The following MAP4K4 variants were observed in gnomAD, a reference collection of about 807,000 sequenced individuals.
The protein encoded by MAP4K4 is mitogen-activated protein kinase kinase kinase kinase 4, also known as HPK/GCK-like kinase HGK.
In MAP4K4, 38 loss-of-function variants were observed where a neutral mutation model predicts 189.6. The ratio of observed to expected loss-of-function variants is 0.20; its 90% CI spans 0.15 to 0.26. MAP4K4 has a LOEUF of 0.26. Among genes scored for constraint, MAP4K4 ranks in the 10% least tolerant of loss-of-function variants. The probability of loss-of-function intolerance (pLI) is 1.00; values close to 1 mark genes in which losing one functional copy is unlikely to be tolerated. For missense variants in MAP4K4, 1,054 were observed against 1,726.9 expected (o/e 0.61, Z 6.91); for synonymous variants, 610 against 624.3 (o/e 0.98, Z 0.34).
chr2:101,768,478 T>C (rs934368985), intron 2 of MAP4K4, among the ~76,000 whole-genome samples: 1 of 152,258 alleles, frequency 6.6e-6, no homozygotes, highest in Admixed American at 6.5e-5. Flanking sequence ...TTAGGTATTG[T>C]ATGCTTTTGA....
At chr2:101,850,699 T>C (rs933946704) in intron 12 of MAP4K4, among the ~76,000 whole-genome samples, 1 of 152,206 alleles carries the variant, frequency 6.6e-6, no homozygotes, top group Non-Finnish European at 1.5e-5. Flanking sequence ...AGCAGCTCAG[T>C]TGGTATGCAG....
At chr2:101,717,983 A>T (rs1238166616) in intron 2 of MAP4K4, among the ~76,000 whole-genome samples, 1 of 151,912 alleles carries the variant, frequency 6.6e-6, no homozygotes, top group Non-Finnish European at 1.5e-5. Context: ...TTGGCCAGGC[A>T]TGGTGGCTTA....
At chr2:101,893,039 G>A in exon 33 of MAP4K4, 1 of 456,406 alleles carries the variant, frequency 2.2e-6, no homozygotes, top group South Asian at 1.5e-5. Context: ...TGAAAATGGG[G>A]GATTTTCCCT....
chr2:101,797,187 A>G, intron 3 of MAP4K4: 2 of 1,258,350 alleles, frequency 1.6e-6, no homozygotes, highest in Non-Finnish European at 2.1e-6. Context: ...AAATAAGAAC[A>G]AAAGGAAGGG....
chr2:101,754,032 G>A (rs1050153453), intron 2 of MAP4K4, among the ~76,000 whole-genome samples: 10 of 152,060 alleles, frequency 6.6e-5, no homozygotes, highest in African/African-American at 2.2e-4. Context: ...GCCGAATATG[G>A]CATTTGGTTT....
At chr2:101,710,101 T>C (rs2149291207) in intron 2 of MAP4K4, among the ~76,000 whole-genome samples, 1 of 152,324 alleles carries the variant, frequency 6.6e-6, no homozygotes, top group Middle Eastern at 3.4e-3. Context: ...TTGAGAGGTA[T>C]GTCAAAGACT....
intron 2 of MAP4K4, among the ~76,000 whole-genome samples, chr2:101,751,268 C>T (rs564365081): frequency 1.3e-5 from 2 of 152,206 alleles, no homozygotes; most frequent in South Asian, 2.1e-4. Context: ...AACTGGTAAA[C>T]GTTCGGTGGA....
At chr2:101,869,385 G>A (rs1440283173) in intron 21 of MAP4K4, among the ~76,000 whole-genome samples, 1 of 149,394 alleles carries the variant, frequency 6.7e-6, no homozygotes, top group Non-Finnish European at 1.5e-5. Context: ...GATTTGAACT[G>A]TATATGACAT....
chr2:101,756,491 A>G (rs1040106682), intron 2 of MAP4K4, among the ~76,000 whole-genome samples: 1 of 152,174 alleles, frequency 6.6e-6, no homozygotes. Context: ...CATTAGTGAC[A>G]GGACTGGAAT....
intron 5 of MAP4K4, among the ~76,000 whole-genome samples, chr2:101,826,083 C>G (rs1030136141): frequency 3.3e-5 from 5 of 152,076 alleles, no homozygotes; most frequent in Non-Finnish European, 5.9e-5. Flanking sequence ...CTTCATTTGG[C>G]TATCACAGTT....
intron 3 of MAP4K4, among the ~76,000 whole-genome samples, chr2:101,812,272 T>G (rs936001148): frequency 3.3e-5 from 5 of 152,164 alleles, no homozygotes; most frequent in African/African-American, 1.2e-4. Context: ...TGCATGTGTT[T>G]TGCTTCATAG....
intron 7 of MAP4K4, among the ~76,000 whole-genome samples, chr2:101,833,619 CAAAAAAAA>C (rs373529950): frequency 6.2e-5 from 4 of 64,672 alleles, no homozygotes; most frequent in Non-Finnish European, 1.3e-4. Context: ...GACTCCATCT[CAAAAAAAA>C]AAAAAAAAGA....
chr2:101,887,977 G>C (rs76906342), intron 31 of MAP4K4, 40 bp downstream of exon 31: 1 of 1,535,906 alleles, frequency 6.5e-7, no homozygotes, highest in Admixed American at 1.9e-5. Flanking sequence ...TGTGAAAATG[G>C]AGCCGTGTCT....
chr2:101,723,091 A>T (rs529535129), intron 2 of MAP4K4, among the ~76,000 whole-genome samples: 13 of 152,194 alleles, frequency 8.5e-5, no homozygotes, highest in Non-Finnish European at 1.9e-4. Flanking sequence ...GGAACTGCCA[A>T]ACACTTACAA....
intron 24 of MAP4K4, among the ~76,000 whole-genome samples, chr2:101,873,078 C>T (rs1047919582): frequency 1.3e-5 from 2 of 152,172 alleles, no homozygotes; most frequent in African/African-American, 2.4e-5. Flanking sequence ...CAAAAAGATA[C>T]GCCTTCTTTT....
exon 24 of MAP4K4, chr2:101,871,655 G>T: frequency 6.5e-7 from 1 of 1,536,570 alleles, no homozygotes; most frequent in African/African-American, 1.4e-5. Flanking sequence ...TGTCCCCACA[G>T]ACACCCCAGG....
chr2:101,875,733 A>G (rs1387110064), intron 26 of MAP4K4, among the ~76,000 whole-genome samples: 3 of 152,204 alleles, frequency 2.0e-5, no homozygotes, highest in Non-Finnish European at 4.4e-5. Flanking sequence ...TACATGTTAC[A>G]AAGGTGATTC....
At chr2:101,725,841 C>T (rs989544208) in intron 2 of MAP4K4, among the ~76,000 whole-genome samples, 2 of 152,216 alleles carry the variant, frequency 1.3e-5, no homozygotes, top group African/African-American at 4.8e-5. Context: ...ATTCTGTCCT[C>T]TTCAGGGCAG....
intron 12 of MAP4K4, among the ~76,000 whole-genome samples, chr2:101,849,898 A>G (rs1256978128): frequency 6.6e-6 from 1 of 152,156 alleles, no homozygotes; most frequent in Non-Finnish European, 1.5e-5. Flanking sequence ...AAAGAAAATA[A>G]AAATATTAAA....
Sources: allele counts gnomAD v4.1 joint callset (sites outside exome capture counted in the v4.1 genomes callset), GRCh38; gene constraint gnomAD v4.1.1; transcripts MANE v1.5; gene names NCBI Gene and HGNC (gene_info 2026-07-23, HGNC 2026-07-21).